Variants in ADARB1 observed in about 807,000 individuals in gnomAD.
ADARB1 encodes the protein double-stranded RNA-specific editase 1.
Under a neutral mutation model 52.4 loss-of-function variants are expected in ADARB1, and 10 were observed. The observed-to-expected ratio is 0.19, with a 90% CI of 0.12 to 0.32. ADARB1 has a LOEUF of 0.32. Ranked by LOEUF, ADARB1 falls within the 10% of genes least tolerant of loss-of-function variation. The pLI is 1.00. For missense variants in ADARB1, 643 were observed against 922.3 expected (o/e 0.70, Z 3.92); for synonymous variants, 349 against 371.1 (o/e 0.94, Z 0.68).
At chr21:45,191,688 A>G (rs2092285471) in intron 8 of ADARB1, among the ~76,000 whole-genome samples, 1 of 151,660 alleles carries the variant, frequency 6.6e-6, no homozygotes, top group African/African-American at 2.4e-5. Context: ...TTATAAGTTA[A>G]ATAGGCCTAT....
intron 8 of ADARB1, among the ~76,000 whole-genome samples, chr21:45,203,973 A>T (rs1449575252): frequency 6.6e-6 from 1 of 152,212 alleles, no homozygotes; most frequent in African/African-American, 2.4e-5. Flanking sequence ...CACTAATAAT[A>T]AAATAAGAGT....
intron 3 of ADARB1, 165 bp downstream of exon 3, chr21:45,171,849 C>T (rs1055650381): frequency 6.4e-6 from 4 of 628,608 alleles, no homozygotes; most frequent in Non-Finnish European, 1.1e-5. Flanking sequence ...TTCTCTGCAA[C>T]AGGTGTCAGA....
intron 1 of ADARB1, among the ~76,000 whole-genome samples, chr21:45,101,292 C>A (rs1555886531): frequency 6.6e-6 from 1 of 152,144 alleles, no homozygotes. Flanking sequence ...TGCGCGCGGG[C>A]GGGCCGTGTC....
intron 2 of ADARB1, among the ~76,000 whole-genome samples, chr21:45,167,479 C>T (rs1430458104): frequency 1.3e-5 from 2 of 152,110 alleles, no homozygotes; most frequent in African/African-American, 4.8e-5. Flanking sequence ...AGGCTGGGTG[C>T]GGTGACTCAT....
At chr21:45,093,230 G>A (rs1057237095) in intron 1 of ADARB1, among the ~76,000 whole-genome samples, 1 of 152,178 alleles carries the variant, frequency 6.6e-6, no homozygotes, top group African/African-American at 2.4e-5. Flanking sequence ...CACTTTGCTG[G>A]GGTGCACTTT....
At chr21:45,211,234 T>A (rs1412435463) in intron 9 of ADARB1, among the ~76,000 whole-genome samples, 1 of 152,132 alleles carries the variant, frequency 6.6e-6, no homozygotes, top group Non-Finnish European at 1.5e-5. Context: ...CTTAAGACGA[T>A]CACAATGAAA....
chr21:45,190,066 T>G (rs2092238201), intron 8 of ADARB1, among the ~76,000 whole-genome samples: 1 of 152,184 alleles, frequency 6.6e-6, no homozygotes, highest in Admixed American at 6.5e-5. Context: ...CCTTCTGGTA[T>G]TCCTAGAATA....
intron 1 of ADARB1, among the ~76,000 whole-genome samples, chr21:45,091,872 T>A (rs1031301797): frequency 6.6e-6 from 1 of 152,252 alleles, no homozygotes; most frequent in South Asian, 2.1e-4. Context: ...CAGAAATCCA[T>A]CTGTTCATCT....
chr21:45,138,455 A>C (rs1419533944), intron 2 of ADARB1, among the ~76,000 whole-genome samples: 1 of 152,220 alleles, frequency 6.6e-6, no homozygotes, highest in African/African-American at 2.4e-5. Context: ...GTATCGCTGC[A>C]GTACAGCAGC....
intron 1 of ADARB1, among the ~76,000 whole-genome samples, chr21:45,099,699 AATCCAAGCAT>A (rs1406001037): frequency 6.6e-6 from 1 of 152,220 alleles, no homozygotes. Context: ...AAGTTATGTA[AATCCAAGCAT>A]AATTACTGAA....
At chr21:45,181,913 A>G (rs978429887) in intron 5 of ADARB1, among the ~76,000 whole-genome samples, 2 of 152,226 alleles carry the variant, frequency 1.3e-5, no homozygotes, top group Non-Finnish European at 2.9e-5. Context: ...CCTGGTGCTT[A>G]CCTGCCACAT....
At chr21:45,120,507 A>G (rs2088111488) in intron 1 of ADARB1, among the ~76,000 whole-genome samples, 1 of 152,190 alleles carries the variant, frequency 6.6e-6, no homozygotes, top group Non-Finnish European at 1.5e-5. Context: ...GGATCCTCAC[A>G]GGTGTGGAAA....
chr21:45,095,704 C>T (rs977796096), intron 1 of ADARB1, among the ~76,000 whole-genome samples: 7 of 152,156 alleles, frequency 4.6e-5, no homozygotes, highest in African/African-American at 1.7e-4. Context: ...GAAGGGGTGT[C>T]TCTGCATCAG....
chr21:45,096,139 GC>G, intron 1 of ADARB1, among the ~76,000 whole-genome samples: 1 of 152,238 alleles, frequency 6.6e-6, no homozygotes, highest in Non-Finnish European at 1.5e-5. Context: ...ATGGCTGGGG[GC>G]AAGCCCCTTC....
intron 2 of ADARB1, among the ~76,000 whole-genome samples, chr21:45,130,847 C>T (rs1424106979): frequency 6.6e-6 from 1 of 152,104 alleles, no homozygotes; most frequent in Non-Finnish European, 1.5e-5. Context: ...AGATTATCTT[C>T]TGAGGCTGGA....
intron 1 of ADARB1, among the ~76,000 whole-genome samples, chr21:45,088,886 G>A (rs2086451578): frequency 6.6e-6 from 1 of 152,152 alleles, no homozygotes; most frequent in South Asian, 2.1e-4. Context: ...CACAATCACA[G>A]TCTAGTCATG....
chr21:45,157,663 G>A lies in ADARB1; in HGVS notation c.-47-13947G>A, dbSNP rs577706590. Among the ~76,000 whole-genome samples, 2 of 152,218 alleles carry A rather than the reference G, an allele frequency of 1.3e-5. No homozygotes were observed. The highest frequency in any genetic ancestry group is 2.1e-4 in the South Asian group (1 of 4,824). On this transcript the variant is annotated intron_variant, in intron 2 of 10. Coordinates refer to ENST00000348831, the MANE Select transcript of ADARB1 (RefSeq NM_001112.4). This position sits in a 1 kb window ranked among gnomAD's most constrained non-coding sequence, Gnocchi z 4.1. ...CAAGCGTGTGGATCAGTGTGGCTCT[G>A]TATGTGTGAACATGTATGGACATAT...
At chr21:45,175,534 T>A (rs1206605519) in intron 3 of ADARB1, among the ~76,000 whole-genome samples, 196 bp from the exon 4 acceptor site, 1 of 152,224 alleles carries the variant, frequency 6.6e-6, no homozygotes, top group Non-Finnish European at 1.5e-5. Flanking sequence ...CTAAGCAAAG[T>A]GTCAGATTAC....
Position 45,223,732 on chromosome 21 carries a change from G to T in ADARB1, c.*1535G>T, listed in dbSNP as rs1037876173. ...GAGGGGCGTCATCCTCCCACCGGAC[G>T]CTGGGAGCTCAGACCCCAAAACTGA... On this transcript the variant is annotated 3_prime_UTR_variant, in exon 11 of 11. Coordinates refer to ENST00000348831, the MANE Select transcript of ADARB1 (RefSeq NM_001112.4). The T allele has an allele frequency of 3.0e-6, 3 of 985,484 alleles. No homozygotes were observed. The highest frequency in any genetic ancestry group is 3.6e-6 in the Non-Finnish European group (3 of 829,988). 61.0% of individuals were successfully genotyped at this position (985,484 alleles called of 1,614,324 possible). A position where few individuals can be genotyped will look rare whatever the true frequency, so the allele number is the denominator to read the frequency against.
Sources: gnomAD v4.1 joint callset for allele counts (sites outside exome capture counted in the v4.1 genomes callset) on GRCh38, gnomAD v4.1.1 for gene constraint, Gnocchi (gnomAD v3.1) non-coding constraint, MANE v1.5 for transcripts, NCBI Gene and HGNC (gene_info 2026-07-23, HGNC 2026-07-21) for gene names.